The following VPS13B variants were observed in gnomAD, a reference collection of about 807,000 sequenced individuals.
The protein encoded by VPS13B is intermembrane lipid transfer protein VPS13B.
A neutral mutation model predicts 426.4 loss-of-function variants in VPS13B; 285 were observed. The ratio of observed to expected loss-of-function variants is 0.67; its 90% confidence interval spans 0.61 to 0.74. VPS13B has a LOEUF of 0.74. VPS13B is among the 30% of genes least tolerant of loss of function. The probability of loss-of-function intolerance (pLI) is 0.00; values close to 1 mark genes in which losing one functional copy is unlikely to be tolerated. For missense variants in VPS13B, 4,537 were observed against 4,782.6 expected (o/e 0.95, Z 1.51); for synonymous variants, 1,676 against 1,676.4 (o/e 1.00, Z 0.01).
intron 27 of VPS13B, among the ~76,000 whole-genome samples, chr8:99,505,855 T>C (rs560745633): frequency 6.6e-5 from 10 of 152,268 alleles, no homozygotes; most frequent in African/African-American, 2.4e-4. Flanking sequence ...CCTGTACTTA[T>C]TCTCAAAGAG....
rs544170815 is a variant in VPS13B at position 99,313,551 on chromosome 8, G to A, written c.2824+38297G>A. ...GAAGCTTCGTCTCAGAGGGGTAGCC[G>A]GCCCTGTGAGGTGTCAGTCTGCCCT... On this transcript the variant is annotated intron_variant, in intron 19 of 61. Coordinates refer to ENST00000357162, the MANE Select transcript of VPS13B (RefSeq NM_152564.5). Among the ~76,000 whole-genome samples the A allele has an allele frequency of 3.3e-5, 5 of 152,176 alleles. No homozygotes were observed. In the South Asian group the frequency reaches 6.2e-4, roughly 19 times the overall value.
chr8:99,193,460 G>A (rs1234413682), intron 17 of VPS13B, among the ~76,000 whole-genome samples: 1 of 152,018 alleles, frequency 6.6e-6, no homozygotes, highest in African/African-American at 2.4e-5. Flanking sequence ...TTTTGTGTGT[G>A]TGTGTGAAAA....
intron 4 of VPS13B, 147 bp downstream of exon 4, chr8:99,096,579 A>C: frequency 8.8e-7 from 1 of 1,136,276 alleles, no homozygotes. Context: ...AACATGGTGA[A>C]GCCATGTCTC....
intron 43 of VPS13B, among the ~76,000 whole-genome samples, chr8:99,803,421 A>T (rs1357978500): frequency 2.0e-5 from 3 of 152,214 alleles, no homozygotes; most frequent in Non-Finnish European, 2.9e-5. Flanking sequence ...ACCCTGAATG[A>T]TTTAGAAAGG....
In VPS13B at chr8:99,435,901, C is replaced by G. The variant is rs182459805; in HGVS notation, c.3210+4237C>G. On this transcript the variant is annotated intron_variant, in intron 22 of 61. Transcript: ENST00000357162. Reference sequence around the variant, plus strand: ...CCAGGTATGTATTAGATATTTACATCTGGAGTTTAAAAAACAGGTTAAGAG... The same window carrying G: ...CCAGGTATGTATTAGATATTTACATGTGGAGTTTAAAAAACAGGTTAAGAG... Among the ~76,000 whole-genome samples the G allele has an allele frequency of 5.9e-5, 9 of 152,236 alleles. No individual in the cohort carries two copies. In the East Asian group the frequency reaches 1.7e-3, roughly 29 times the overall value.
At chr8:99,648,238 G>T (rs1350314558) in intron 34 of VPS13B, among the ~76,000 whole-genome samples, 1 of 152,172 alleles carries the variant, frequency 6.6e-6, no homozygotes, top group East Asian at 1.9e-4. Flanking sequence ...CTTGCTTCAT[G>T]TGATAACCAT....
intron 43 of VPS13B, among the ~76,000 whole-genome samples, chr8:99,798,526 A>T (rs878949818): frequency 6.6e-6 from 1 of 152,196 alleles, no homozygotes; most frequent in Admixed American, 6.5e-5. Context: ...AGTCTTTCAC[A>T]AGAAATGGCA....
chr8:99,406,368 C>G (rs1421586819), intron 21 of VPS13B, among the ~76,000 whole-genome samples: 2 of 152,028 alleles, frequency 1.3e-5, no homozygotes, highest in Non-Finnish European at 2.9e-5. Flanking sequence ...AATGAATTAA[C>G]CTTTTTGTTT....
At chr8:99,550,888 TCAGAGGATA>T (rs1317250147) in intron 30 of VPS13B, among the ~76,000 whole-genome samples, 1 of 152,086 alleles carries the variant, frequency 6.6e-6, no homozygotes, top group East Asian at 1.9e-4. Context: ...TGTATTGTGC[TCAGAGGATA>T]CAGTCTATAT....
intron 23 of VPS13B, among the ~76,000 whole-genome samples, chr8:99,466,645 A>G (rs2133507995): frequency 6.6e-6 from 1 of 152,288 alleles, no homozygotes; most frequent in African/African-American, 2.4e-5. Flanking sequence ...TAATCCTGAA[A>G]TTTATGAATG....
At chr8:99,102,904 T>G (rs1210442645) in intron 4 of VPS13B, 49 bp from the exon 5 acceptor site, 1 of 1,471,608 alleles carries the variant, frequency 6.8e-7, no homozygotes, top group Admixed American at 1.7e-5. Context: ...GAAATAATTA[T>G]TTACTGAGAG....
intron 17 of VPS13B, among the ~76,000 whole-genome samples, chr8:99,206,740 T>G (rs1055392422): frequency 6.6e-6 from 1 of 152,196 alleles, no homozygotes; most frequent in Non-Finnish European, 1.5e-5. Context: ...GGTGTGCATA[T>G]AAAAAGGATT....
At chr8:99,457,421 C>G (rs1418172874) in intron 23 of VPS13B, among the ~76,000 whole-genome samples, 1 of 152,126 alleles carries the variant, frequency 6.6e-6, no homozygotes, top group East Asian at 1.9e-4. Context: ...CCCTTTTAAT[C>G]TCTTTTATTT....
chr8:99,129,879 G>A (rs1285773219), intron 8 of VPS13B, among the ~76,000 whole-genome samples: 1 of 152,024 alleles, frequency 6.6e-6, no homozygotes, highest in Non-Finnish European at 1.5e-5. Context: ...AGCCAGGTGT[G>A]GTAGTGTGCA....
chr8:99,194,693 A>G (rs371140865), intron 17 of VPS13B, among the ~76,000 whole-genome samples: 23 of 152,288 alleles, frequency 1.5e-4, no homozygotes, highest in South Asian at 6.2e-4. Context: ...TACTGATTTC[A>G]TATCTTGGCT....
intron 39 of VPS13B, among the ~76,000 whole-genome samples, chr8:99,754,887 C>A (rs943477248): frequency 6.6e-6 from 1 of 152,156 alleles, no homozygotes; most frequent in African/African-American, 2.4e-5. Context: ...CCCCCAACCC[C>A]CATGCCCCCA....
chr8:99,173,759 G>C (rs1214013232), intron 16 of VPS13B, among the ~76,000 whole-genome samples: 1 of 152,108 alleles, frequency 6.6e-6, no homozygotes, highest in East Asian at 1.9e-4. Flanking sequence ...ATTAACATCT[G>C]TTACAATCTT....
At chr8:99,466,241 A>C (rs1445479565) in intron 23 of VPS13B, among the ~76,000 whole-genome samples, 1 of 152,228 alleles carries the variant, frequency 6.6e-6, no homozygotes, top group East Asian at 1.9e-4. Flanking sequence ...GCAAAATAGA[A>C]GGTAAATTAT....
At chr8:99,822,735 C>A (rs1375358677) in intron 50 of VPS13B, among the ~76,000 whole-genome samples, 1 of 152,034 alleles carries the variant, frequency 6.6e-6, no homozygotes, top group East Asian at 1.9e-4. Context: ...TATTGAGAAC[C>A]CCCAAAGACC....
Sources: allele counts gnomAD v4.1 joint callset (sites outside exome capture counted in the v4.1 genomes callset), GRCh38; gene constraint gnomAD v4.1.1; transcripts MANE v1.5; gene names NCBI Gene and HGNC (gene_info 2026-07-23, HGNC 2026-07-21).